The following C16orf96 variants were observed in gnomAD, a reference collection of about 807,000 sequenced individuals.
C16orf96 encodes the protein uncharacterized protein C16orf96.
Under a neutral mutation model 103.6 loss-of-function variants are expected in C16orf96, and 108 were observed. The ratio of observed to expected loss-of-function variants is 1.04; its 90% confidence interval spans 0.89 to 1.22. C16orf96 has a LOEUF of 1.22. Among genes scored for constraint, C16orf96 ranks in the 50% most tolerant of loss-of-function variants. The probability of loss-of-function intolerance (pLI) is 0.00; values close to 1 mark genes in which losing one functional copy is unlikely to be tolerated. For synonymous variants in C16orf96, 566 were observed against 593.5 expected, an observed-to-expected ratio of 0.95 and a Z score of 0.67; for missense variants, 1,586 against 1,464.2, an observed-to-expected ratio of 1.08 and a Z score of -1.36.
intron 7 of C16orf96, among the ~76,000 whole-genome samples, chr16:4,584,062 A>T (rs188488308): frequency 7.2e-5 from 11 of 152,264 alleles, no homozygotes; most frequent in African/African-American, 2.2e-4. Context: ...AATAACAGTA[A>T]GTCTTAAGTC....
Position 4,575,618 on chromosome 16 carries a change from C to T in C16orf96, c.1138C>T (p.Pro380Ser). 6.6e-7 allele frequency: 1 copy of T among 1,518,968 alleles called. No homozygotes were observed. The highest frequency in any genetic ancestry group is 1.8e-4 in the Middle Eastern group (1 of 5,550). 94.1% of individuals were successfully genotyped at this position (1,518,968 alleles called of 1,614,324 possible). Residue 380 changes from proline (P) to serine (S), a missense_variant, in exon 5 of 16, where the codon CCT becomes TCT. By Grantham distance (74) the Pro-to-Ser change is moderately conservative (BLOSUM62 -1). Transcript: ENST00000444310. ...ACCTGTGCCTGCCCCAGGTGCCCAG[C>T]CTCCACCACTGGGAGACTGGCCTGC... ...LGPVPAPGAQPPPLGDWPALP... is the reference protein window; with the variant it reads ...LGPVPAPGAQSPPLGDWPALP...
chr16:4,599,191 C>T (rs1255259377), intron 14 of C16orf96, 93 bp from the exon 15 acceptor site: 1 of 1,098,942 alleles, frequency 9.1e-7, no homozygotes, highest in Non-Finnish European at 1.4e-6. Context: ...GGGGTTGGTC[C>T]CACCAGAGGG....
chr16:4,546,576 T>C, the C16orf96 span, among the ~76,000 whole-genome samples: 2 of 151,336 alleles, frequency 1.3e-5, no homozygotes, highest in African/African-American at 4.9e-5. Flanking sequence ...GCGATCCTCT[T>C]GCCTCAGCCT....
In C16orf96 at chr16:4,593,646, G is replaced by A. The variant is rs761685349; in HGVS notation, c.2867+330G>A. ...CCCTGTTTCTTGGCGGAGGGAATCG[G>A]TGATGATGGGGAACCCTCAGGGAGC... On this transcript the variant is annotated intron_variant, in intron 12 of 15. Transcript: ENST00000444310. The surrounding 1 kb of genome is among the most constrained non-coding windows in gnomAD (Gnocchi z 4.2). Among the ~76,000 whole-genome samples the A allele has an allele frequency of 1.3e-5, 2 of 152,102 alleles. No homozygotes were observed. Among genetic ancestry groups the A allele is most frequent in the Non-Finnish European group, 1.5e-5 (1 of 68,010 alleles).
intron 1 of C16orf96, among the ~76,000 whole-genome samples, chr16:4,564,672 A>C (rs1378413298): frequency 6.6e-6 from 1 of 152,100 alleles, no homozygotes; most frequent in Admixed American, 6.6e-5. Context: ...TTAGCTGGGC[A>C]TGGTGGTGCG....
intron 7 of C16orf96, among the ~76,000 whole-genome samples, chr16:4,580,599 C>A (rs933893527): frequency 6.6e-6 from 1 of 151,978 alleles, no homozygotes; most frequent in Non-Finnish European, 1.5e-5. Flanking sequence ...GTAATCCCAG[C>A]GCTTTGGGAA....
chr16:4,581,352 G>T (rs2059586679), intron 7 of C16orf96, among the ~76,000 whole-genome samples: 1 of 147,746 alleles, frequency 6.8e-6, no homozygotes, highest in Non-Finnish European at 1.5e-5. Context: ...AAATAAAAAG[G>T]GCCAGGCGCG....
the C16orf96 span, among the ~76,000 whole-genome samples, chr16:4,543,931 C>T: frequency 3.9e-5 from 6 of 151,962 alleles, no homozygotes; most frequent in African/African-American, 7.3e-5. Flanking sequence ...TGTGAGCCAC[C>T]GCACCCCGCC....
At chr16:4,545,776 C>G in the C16orf96 span, among the ~76,000 whole-genome samples, 1 of 152,126 alleles carries the variant, frequency 6.6e-6, no homozygotes, top group African/African-American at 2.4e-5. Context: ...TCTCTTTTCC[C>G]CTATTGCAAT....
the C16orf96 span, among the ~76,000 whole-genome samples, chr16:4,550,205 C>G: frequency 6.6e-6 from 1 of 151,922 alleles, no homozygotes; most frequent in Admixed American, 6.6e-5. Flanking sequence ...CTGCCTCAGC[C>G]TCCCAAGTAG....
intron 7 of C16orf96, among the ~76,000 whole-genome samples, chr16:4,586,486 G>C (rs1896931571): frequency 6.6e-6 from 1 of 152,196 alleles, no homozygotes; most frequent in African/African-American, 2.4e-5. Flanking sequence ...CGACCCTCTG[G>C]GGAAATGGAG....
chr16:4,575,502 GGCTGGA>G lies in C16orf96; in HGVS notation c.1031_1036del (p.Leu344_Glu345del), dbSNP rs754812114. Reference sequence around the variant, plus strand: ...GAACCTGTGCCAGGACTGGAGCTGGGGCTGGAGCTGGAGCCTGTGCCTGCCCTGGGG... The same window carrying G: ...GAACCTGTGCCAGGACTGGAGCTGGGGCTGGAGCCTGTGCCTGCCCTGGGG... On this transcript the variant is annotated inframe_deletion, in exon 5 of 16. Coordinates refer to ENST00000444310, the MANE Select transcript of C16orf96 (RefSeq NM_001145011.2). 3 of 1,547,088 alleles carry G rather than the reference GGCTGGA, an allele frequency of 1.9e-6. No individual in the cohort carries two copies. The Admixed American group carries it at 5.9e-5, about 30-fold the overall frequency.
chr16:4,592,494 T>G, intron 11 of C16orf96, 127 bp downstream of exon 11: 1 of 1,114,632 alleles, frequency 9.0e-7, no homozygotes, highest in African/African-American at 1.5e-5. Context: ...TACAGCATTC[T>G]CTCCAGCCAT....
chr16:4,585,014 G>A (rs1567452767), intron 7 of C16orf96, among the ~76,000 whole-genome samples: 1 of 152,150 alleles, frequency 6.6e-6, no homozygotes, highest in Non-Finnish European at 1.5e-5. Flanking sequence ...TGGCATGGTG[G>A]CTTGCACCTA....
chr16:4,579,906 C>T, intron 6 of C16orf96, 109 bp from the exon 7 acceptor site: 1 of 918,374 alleles, frequency 1.1e-6, no homozygotes, highest in South Asian at 1.5e-5. Flanking sequence ...CCACCACGCC[C>T]AGCCTGGTCT....
chr16:4,575,704 G>A lies in C16orf96; in HGVS notation c.1224G>A (p.Trp408Ter), dbSNP rs2059496425. 1 of 1,533,364 alleles carries A rather than the reference G, an allele frequency of 6.5e-7. No homozygotes were observed. Among genetic ancestry groups the A allele is most frequent in the Non-Finnish European group, 8.8e-7 (1 of 1,138,806 alleles). 95.0% of individuals were successfully genotyped at this position (1,533,364 alleles called of 1,614,324 possible). Reference sequence around the variant, plus strand: ...CCAGGGTGGGCTCTTGGCCTCTGTGGGACTTAGGTGTCCTGCGGCCAACTC... The same window carrying A: ...CCAGGGTGGGCTCTTGGCCTCTGTGAGACTTAGGTGTCCTGCGGCCAACTC... ...GWPRVGSWPL[W>*]DLGVLRPTQP... The change falls in exon 5 of 16, where the codon TGG becomes TGA. Residue 408 changes from tryptophan to a stop codon, truncating the protein, a stop_gained. Coordinates refer to ENST00000444310, the MANE Select transcript of C16orf96 (RefSeq NM_001145011.2). LOFTEE classifies it high-confidence loss of function.
chr16:4,555,269 T>TACACAC (rs71139639), upstream of C16orf96, among the ~76,000 whole-genome samples: 270 of 145,680 alleles, frequency 1.9e-3, no homozygotes, highest in African/African-American at 5.6e-3. Flanking sequence ...TCACACACAC[T>TACACAC]ACACACACAC....
In C16orf96 at chr16:4,582,601, T is replaced by C. The variant is rs989761969; in HGVS notation, c.2352+2476T>C. On this transcript the variant is annotated intron_variant, in intron 7 of 15. Coordinates refer to ENST00000444310, the MANE Select transcript of C16orf96 (RefSeq NM_001145011.2). Reference sequence around the variant, plus strand: ...CTGGGCCGAGTGTGGGTGGACTGCATGCAGGGGTACGTGCTCAGACTGTGC... The same window carrying C: ...CTGGGCCGAGTGTGGGTGGACTGCACGCAGGGGTACGTGCTCAGACTGTGC... Among the ~76,000 whole-genome samples, 8 of 152,068 alleles carry C rather than the reference T, an allele frequency of 5.3e-5. No homozygotes were observed. The East Asian group carries it at 1.4e-3, about 26-fold the overall frequency.
chr16:4,584,348 T>C (rs1896863708), intron 7 of C16orf96, among the ~76,000 whole-genome samples: 1 of 100,884 alleles, frequency 9.9e-6, no homozygotes, highest in Admixed American at 1.2e-4. Flanking sequence ...CCACCATGCC[T>C]GGCTAATTTT....
Sources: allele counts gnomAD v4.1 joint callset (sites outside exome capture counted in the v4.1 genomes callset), GRCh38; gene constraint gnomAD v4.1.1; non-coding constraint Gnocchi (gnomAD v3.1); transcripts MANE v1.5; gene names NCBI Gene and HGNC (gene_info 2026-07-23, HGNC 2026-07-21).